Variants in MDM2 observed in about 807,000 individuals in gnomAD.
MDM2 encodes the protein E3 ubiquitin-protein ligase Mdm2.
MDM2 carries 11 observed loss-of-function variants against 64.3 expected under a neutral mutation model. That is an observed-to-expected ratio of 0.17 (90% confidence interval 0.11 to 0.28). The LOEUF is 0.28. Among genes scored for constraint, MDM2 ranks in the 10% least tolerant of loss-of-function variants. The pLI, the probability that MDM2 is intolerant of heterozygous loss-of-function variation, is 1.00. For synonymous variants in MDM2, 194 were observed against 192.9 expected (o/e 1.01, Z -0.05); for missense variants, 388 against 577.1 (o/e 0.67, Z 3.36).
At chr12:68,821,858 G>A (rs142603793) in intron 5 of MDM2, among the ~76,000 whole-genome samples, 1,660 of 152,088 alleles carry the variant, frequency 0.011, 17 homozygotes, top group Non-Finnish European at 0.019. Context: ...TTACTTGTGG[G>A]TTTTTTTGTT....
chr12:68,836,419 A>G (rs1883312451), intron 9 of MDM2, among the ~76,000 whole-genome samples: 1 of 152,136 alleles, frequency 6.6e-6, no homozygotes, highest in African/African-American at 2.4e-5. Flanking sequence ...GTTATTTATG[A>G]AGTAAAACCA....
chr12:68,841,683 C>A lies in MDM2; in HGVS notation c.*1834C>A. On this transcript the variant is annotated 3_prime_UTR_variant, in exon 11 of 11. Coordinates refer to ENST00000258149, the MANE Select transcript of MDM2 (RefSeq NM_002392.6). ...CATGGTTCCCAGCCTAGGTTTCAGA[C>A]TTTTGCTTAAGGCCAGTTTTAGAAA... 4.8e-6 allele frequency: 1 copy of A among 208,924 alleles called. No homozygotes were observed. 12.9% of individuals were successfully genotyped at this position (208,924 alleles called of 1,614,324 possible). A position where few individuals can be genotyped will look rare whatever the true frequency, so the allele number is the denominator to read the frequency against.
In MDM2 at chr12:68,820,391, C is replaced by T. The variant is rs373939414; in HGVS notation, c.358+17C>T. 1 of 1,587,754 alleles carries T rather than the reference C, an allele frequency of 6.3e-7. No homozygotes were observed. Among genetic ancestry groups the T allele is most frequent in the Non-Finnish European group, 8.6e-7 (1 of 1,162,384 alleles). ...ATCAGCAGGGTAAGTTAATTTTGAG[C>T]ATCATGGATAAATACCATAAAAACG... On this transcript the variant is annotated intron_variant, in intron 5 of 10. Transcript: ENST00000258149.
chr12:68,829,638 T>A (rs889636321), intron 8 of MDM2, among the ~76,000 whole-genome samples: 9 of 151,980 alleles, frequency 5.9e-5, no homozygotes, highest in African/African-American at 1.5e-4. Context: ...TGGTGGCGCA[T>A]GCTTGCAGTC....
intron 8 of MDM2, among the ~76,000 whole-genome samples, chr12:68,829,723 G>A (rs1210497644): frequency 1.4e-5 from 2 of 147,572 alleles, no homozygotes; most frequent in Admixed American, 6.8e-5. Flanking sequence ...CTGAGATTGT[G>A]CCACTGCACT....
chr12:68,823,734 T>C (rs940905784), intron 5 of MDM2, among the ~76,000 whole-genome samples: 5 of 152,218 alleles, frequency 3.3e-5, no homozygotes, highest in African/African-American at 1.2e-4. Flanking sequence ...ATATTTTCTG[T>C]GAGCTAGAAA....
At chr12:68,820,427 A>C in intron 5 of MDM2, 53 bp downstream of exon 5, 1 of 1,361,446 alleles carries the variant, frequency 7.3e-7, no homozygotes, top group South Asian at 1.3e-5. Flanking sequence ...TTTTAAAGAC[A>C]TTTTTGTTTA....
intron 5 of MDM2, among the ~76,000 whole-genome samples, chr12:68,822,738 C>T (rs1881965424): frequency 7.8e-6 from 1 of 127,458 alleles, no homozygotes; most frequent in African/African-American, 3.1e-5. Flanking sequence ...ATGTTCTCAA[C>T]TTTGTCACTT....
intron 3 of MDM2, chr12:68,814,695 C>A: frequency 7.7e-6 from 2 of 258,882 alleles, no homozygotes; most frequent in South Asian, 3.6e-5. Flanking sequence ...TAGAGGTGAG[C>A]TGATTCATGA....
intron 4 of MDM2, among the ~76,000 whole-genome samples, chr12:68,817,872 A>G (rs1881521199): frequency 6.6e-6 from 1 of 151,588 alleles, no homozygotes; most frequent in Non-Finnish European, 1.5e-5. Context: ...ATCTTGGCTC[A>G]CTGCAACCTC....
chr12:68,810,144 T>C (rs1482249588), intron 2 of MDM2, among the ~76,000 whole-genome samples: 1 of 152,060 alleles, frequency 6.6e-6, no homozygotes, highest in Non-Finnish European at 1.5e-5. Flanking sequence ...AAAACCTGTC[T>C]CTACTAAAAA....
intron 3 of MDM2, chr12:68,814,717 A>G (rs1278144072): frequency 1.4e-5 from 3 of 213,774 alleles, no homozygotes; most frequent in Non-Finnish European, 3.0e-5. Flanking sequence ...CATATATTCT[A>G]TCTAATGGTT....
At chr12:68,832,558 G>GC (rs1882880607) in intron 8 of MDM2, among the ~76,000 whole-genome samples, 1 of 152,064 alleles carries the variant, frequency 6.6e-6, no homozygotes, top group Non-Finnish European at 1.5e-5. Context: ...CGTTGCCCAG[G>GC]CGGGAGTGCA....
At chr12:68,819,482 TTAA>T (rs1191026963) in intron 4 of MDM2, among the ~76,000 whole-genome samples, 2 of 152,162 alleles carry the variant, frequency 1.3e-5, no homozygotes, top group African/African-American at 4.8e-5. Context: ...GCTTTATCTG[TTAA>T]TAAGTTTCTT....
chr12:68,813,271 G>C (rs1881065074), intron 2 of MDM2, among the ~76,000 whole-genome samples: 1 of 152,198 alleles, frequency 6.6e-6, no homozygotes, highest in South Asian at 2.1e-4. Flanking sequence ...CGTTGGATCA[G>C]TACGGTAAGC....
intron 4 of MDM2, among the ~76,000 whole-genome samples, chr12:68,819,448 G>T (rs1332732922): frequency 6.6e-6 from 1 of 152,120 alleles, no homozygotes; most frequent in Non-Finnish European, 1.5e-5. Context: ...TTTTCAGTCT[G>T]TATTTATTGA....
chr12:68,847,162 T>G (rs1397960754), downstream of MDM2: 1 of 108,738 alleles, frequency 9.2e-6, no homozygotes, highest in Non-Finnish European at 1.7e-5. Context: ...ATATATATAA[T>G]ACATATGTGT....
rs1453010640 is a variant in MDM2, at chr12:68,841,802, T to C, written c.*1953T>C. 2 of 206,376 alleles carry C rather than the reference T, an allele frequency of 9.7e-6. No homozygotes were observed. Among genetic ancestry groups the C allele is most frequent in the African/African-American group, 4.6e-5 (2 of 43,744 alleles). 12.8% of individuals were successfully genotyped at this position (206,376 alleles called of 1,614,324 possible). A position where few individuals can be genotyped will look rare whatever the true frequency, so the allele number is the denominator to read the frequency against. ...AGATTGTTAAGTTCTTTCTGAATTATTCAGAAATTATGCATCATTTTCCTT... is the reference window on the plus strand; with the variant it reads ...AGATTGTTAAGTTCTTTCTGAATTACTCAGAAATTATGCATCATTTTCCTT... On this transcript the variant is annotated 3_prime_UTR_variant, in exon 11 of 11. Coordinates refer to ENST00000258149, the MANE Select transcript of MDM2 (RefSeq NM_002392.6).
chr12:68,835,990 A>T lies in MDM2; in HGVS notation c.840+6A>T. On this transcript the variant is annotated splice_donor_region_variant and intron_variant, in intron 9 of 10. Transcript: ENST00000258149. ...TCTCAGATGAAGATGATGAGGTAGT[A>T]TTTTTTTTCCCCTCTAATTATATTG... is the stretch of plus-strand genomic sequence containing the variant. The T allele has an allele frequency of 6.3e-7, 1 of 1,587,138 alleles. No individual in the cohort carries two copies. Among genetic ancestry groups the T allele is most frequent in the Non-Finnish European group, 8.6e-7 (1 of 1,167,170 alleles).
Sources: gnomAD v4.1 joint callset for allele counts (sites outside exome capture counted in the v4.1 genomes callset) on GRCh38, gnomAD v4.1.1 for gene constraint, MANE v1.5 for transcripts, NCBI Gene and HGNC (gene_info 2026-07-23, HGNC 2026-07-21) for gene names.